Variants in DMAC1 observed in about 807,000 individuals in gnomAD.
The protein encoded by DMAC1 is distal membrane-arm assembly complex protein 1.
A neutral mutation model predicts 7.0 loss-of-function variants in DMAC1; 10 were observed. The ratio of observed to expected loss-of-function variants is 1.43; its 90% CI spans 0.88 to 2.43. The LOEUF is 2.43. DMAC1 is among the 30% of genes most tolerant of loss of function. DMAC1 has a pLI of 0.00. For synonymous variants in DMAC1, 92 were observed against 66.2 expected (o/e 1.39, Z -1.90); for missense variants, 219 against 158.7 (o/e 1.38, Z -2.04).
rs761387238 is a variant in DMAC1, at chr9:7,799,757, T to G, written c.-23A>C. On this transcript the variant is annotated 5_prime_UTR_variant, in exon 1 of 2. Transcript: ENST00000358227. ...CATGCTCTGGAACTCGGCCTCAACC[T>G]TGGGCGTCTTTGGTTCAAACTGGCG... is the stretch of plus-strand genomic sequence containing the variant. The G allele has an allele frequency of 4.5e-5, 67 of 1,499,584 alleles. No homozygotes were observed. In the Admixed American group the frequency reaches 1.4e-3, roughly 30 times the overall value. The allele number at this position is 1,499,584 out of a possible 1,614,324, so 92.9% of individuals were successfully genotyped here.
chr9:7,798,356 A>T lies in DMAC1; in HGVS notation c.*217T>A. On this transcript the variant is annotated 3_prime_UTR_variant, in exon 2 of 2. Coordinates refer to ENST00000358227, the MANE Select transcript of DMAC1 (RefSeq NM_033428.3). ...GACAAAGAACCTGTTTACTTCTCTG[A>T]GGGATTTATTGGTTCCTGTGAAATC... 1.9e-6 allele frequency: 1 copy of T among 527,782 alleles called. No individual in the cohort carries two copies. The highest frequency in any genetic ancestry group is 3.5e-6 in the Non-Finnish European group (1 of 289,676). 32.7% of individuals were successfully genotyped at this position (527,782 alleles called of 1,614,324 possible).
intron 1 of DMAC1, 44 bp downstream of exon 1, chr9:7,799,417 C>A: frequency 6.2e-7 from 1 of 1,605,742 alleles, no homozygotes; most frequent in Non-Finnish European, 8.5e-7. Flanking sequence ...TTCCTCTACC[C>A]CGCAGATACC....
chr9:7,799,418 C>A (rs758494046), intron 1 of DMAC1, 43 bp downstream of exon 1: 8 of 1,606,390 alleles, frequency 5.0e-6, no homozygotes, highest in Admixed American at 3.3e-5. Context: ...TCCTCTACCC[C>A]GCAGATACCC....
rs1322941724 is a variant in DMAC1, at chr9:7,799,589, C to A, written c.146G>T (p.Ser49Ile). The A allele has an allele frequency of 1.9e-6, 3 of 1,613,680 alleles. No individual in the cohort carries two copies. The highest frequency in any genetic ancestry group is 2.5e-6 in the Non-Finnish European group (3 of 1,180,004). The change falls in exon 1 of 2, where the codon AGC (serine) becomes ATC (isoleucine). Residue 49 changes from serine to isoleucine, a missense_variant. Physicochemically the swap from Ser to Ile is moderately radical, Grantham distance 142 (BLOSUM62 -2). Transcript: ENST00000358227. ...AEHRLLKTCWSCRVLSGLGLM... is the reference protein window; with the variant it reads ...AEHRLLKTCWICRVLSGLGLM... ...CCCCAACCCAGAAAGCACGCGACAG[C>A]TCCAGCAGGTCTTCAACAGGCGGTG...
Position 7,799,511 on chromosome 9 carries a change from A to G in DMAC1, c.224T>C (p.Met75Thr). 6.2e-7 allele frequency: 1 copy of G among 1,613,430 alleles called. No homozygotes were observed. The highest frequency in any genetic ancestry group is 8.5e-7 in the Non-Finnish European group (1 of 1,179,992). Residue 75 changes from methionine to threonine, a missense_variant, in exon 1 of 2, where the codon ATG (methionine) becomes ACG (threonine). By Grantham distance (81) the Met-to-Thr change is moderately conservative (BLOSUM62 -1). Transcript: ENST00000358227. ...GGTCCATGGACTCGGGGGGTATCCC[A>G]TCTTCATGGGCTTCCGTGCCACCCA... ...VYWVARKPMK[M>T]GYPPSPWTIT...
intron 1 of DMAC1, among the ~76,000 whole-genome samples, chr9:7,799,182 C>G (rs896058226): frequency 6.6e-6 from 1 of 151,968 alleles, no homozygotes; most frequent in African/African-American, 2.4e-5. Flanking sequence ...TCGGTTTGCT[C>G]CACAGTAAAT....
chr9:7,799,529 G>A lies in DMAC1; in HGVS notation c.206C>T (p.Ala69Val). ...GTATCCCATCTTCATGGGCTTCCGT[G>A]CCACCCAGTACACGTACCCGCCCGC... ...MGAGGYVYWV[A>V]RKPMKMGYPP... Residue 69 changes from alanine (A) to valine (V), a missense_variant, in exon 1 of 2, where the codon GCA (alanine) becomes GTA (valine). Ala to Val is a moderately conservative substitution (Grantham distance 64, BLOSUM62 0). Coordinates refer to ENST00000358227, the MANE Select transcript of DMAC1 (RefSeq NM_033428.3). 2.5e-6 allele frequency: 4 copies of A among 1,613,672 alleles called. No homozygotes were observed. The highest frequency in any genetic ancestry group is 2.5e-6 in the Non-Finnish European group (3 of 1,180,010).
In DMAC1 at chr9:7,799,477, CTGCGTA is replaced by C. The variant is rs1818693919; in HGVS notation, c.252_257del (p.Ile84_Gln86delinsMet). 1 of 1,612,810 alleles carries C rather than the reference CTGCGTA, an allele frequency of 6.2e-7. No homozygotes were observed. Among genetic ancestry groups the C allele is most frequent in the Admixed American group, 1.7e-5 (1 of 60,000 alleles). ...GATTCTCACTGAGGCCGATGACCAT[CTGCGTA>C]ATGGTCCATGGACTCGGGGGGTATC... On this transcript the variant is annotated inframe_deletion, in exon 1 of 2. Coordinates refer to ENST00000358227, the MANE Select transcript of DMAC1 (RefSeq NM_033428.3).
At position 7,798,347 on chromosome 9, in the gene DMAC1, A is replaced by T; in HGVS notation, c.*226T>A. ...CCCAGATAAGACAAAGAACCTGTTTACTTCTCTGAGGGATTTATTGGTTCC... is the reference window on the plus strand; with the variant it reads ...CCCAGATAAGACAAAGAACCTGTTTTCTTCTCTGAGGGATTTATTGGTTCC... On this transcript the variant is annotated 3_prime_UTR_variant, in exon 2 of 2. Coordinates refer to ENST00000358227, the MANE Select transcript of DMAC1 (RefSeq NM_033428.3). The T allele has an allele frequency of 2.0e-6, 1 of 502,682 alleles. No homozygotes were observed. Among genetic ancestry groups the T allele is most frequent in the Non-Finnish European group, 3.6e-6 (1 of 278,194 alleles). The allele number at this position is 502,682 out of a possible 1,614,324, so 31.1% of individuals were successfully genotyped here.
Position 7,797,871 on chromosome 9 carries a change from T to C in DMAC1, c.*702A>G, listed in dbSNP as rs1195168514. The C allele has an allele frequency of 2.0e-5, 3 of 152,228 alleles. No homozygotes were observed. The highest frequency in any genetic ancestry group is 4.4e-5 in the Non-Finnish European group (3 of 68,042). The allele number at this position is 152,228 out of a possible 1,614,324, so 9.4% of individuals were successfully genotyped here. A position where few individuals can be genotyped will look rare whatever the true frequency, so the allele number is the denominator to read the frequency against. On this transcript the variant is annotated 3_prime_UTR_variant, in exon 2 of 2. Coordinates refer to ENST00000358227, the MANE Select transcript of DMAC1 (RefSeq NM_033428.3). ...AACAAGTTCTAGCTCCATCACGGACTTACTGAATGACCCTAGGCAAATCAT... is the reference window on the plus strand; with the variant it reads ...AACAAGTTCTAGCTCCATCACGGACCTACTGAATGACCCTAGGCAAATCAT...
At chr9:7,798,760 T>A in intron 1 of DMAC1, 123 bp from the exon 2 acceptor site, 1 of 761,678 alleles carries the variant, frequency 1.3e-6, no homozygotes, top group South Asian at 3.6e-5. Context: ...ATTGTATCTT[T>A]CTTATAAGGC....
rs1328255959 is a variant in DMAC1, at chr9:7,797,855, T to C, written c.*718A>G. On this transcript the variant is annotated 3_prime_UTR_variant, in exon 2 of 2. Coordinates refer to ENST00000358227, the MANE Select transcript of DMAC1 (RefSeq NM_033428.3). ...ACAAAAAACTGACAAGAACAAGTTC[T>C]AGCTCCATCACGGACTTACTGAATG... is the stretch of plus-strand genomic sequence containing the variant. 6.6e-6 allele frequency: 1 copy of C among 152,250 alleles called. No individual in the cohort carries two copies. The highest frequency in any genetic ancestry group is 1.5e-5 in the Non-Finnish European group (1 of 68,038). The allele number at this position is 152,250 out of a possible 1,614,324, so 9.4% of individuals were successfully genotyped here.
At chr9:7,798,745 T>C (rs1419289618) in intron 1 of DMAC1, 108 bp from the exon 2 acceptor site, 2 of 876,504 alleles carry the variant, frequency 2.3e-6, no homozygotes, top group South Asian at 2.6e-5. Flanking sequence ...GGAGGATATA[T>C]TACCATTGTA....
rs1818648056 is a variant in DMAC1 at position 7,797,933 on chromosome 9, T to C, written c.*640A>G. ...CTTGTGTTTTAAGTTTTACCTCCAA[T>C]GAAGTAACTACCTCAGACTAGCTGT... On this transcript the variant is annotated 3_prime_UTR_variant, in exon 2 of 2. Transcript: ENST00000358227. The C allele has an allele frequency of 6.6e-6, 1 of 152,210 alleles. No individual in the cohort carries two copies. Among genetic ancestry groups the C allele is most frequent in the Non-Finnish European group, 1.5e-5 (1 of 68,038 alleles). The allele number at this position is 152,210 out of a possible 1,614,324, so 9.4% of individuals were successfully genotyped here.
chr9:7,799,669 C>A lies in DMAC1; in HGVS notation c.66G>T (p.Ala22=). 6.2e-7 allele frequency: 1 copy of A among 1,606,724 alleles called. No individual in the cohort carries two copies. Among genetic ancestry groups the A allele is most frequent in the Non-Finnish European group, 8.5e-7 (1 of 1,177,812 alleles). Residue 22 remains alanine (A), a synonymous_variant, in exon 1 of 2, where the codon GCG becomes GCT. Transcript: ENST00000358227. The part of the protein sequence containing the change: ...YITAPPGTAA[A]PAKPAPPATP... Reference sequence around the variant, plus strand: ...TAGCTGGGGGCGCAGGTTTGGCGGGCGCGGCGGCGGTACCGGGAGGCGCAG... The same window carrying A: ...TAGCTGGGGGCGCAGGTTTGGCGGGAGCGGCGGCGGTACCGGGAGGCGCAG...
chr9:7,798,664 C>G (rs1479177979), intron 1 of DMAC1, 27 bp from the exon 2 acceptor site: 2 of 1,502,980 alleles, frequency 1.3e-6, no homozygotes, highest in Middle Eastern at 1.8e-4. Flanking sequence ...AATACCTTAC[C>G]TTTATGCTGC....
Position 7,799,700 on chromosome 9 carries a change from T to G in DMAC1, c.35A>C (p.Tyr12Ser), listed in dbSNP as rs142833833. The G allele has an allele frequency of 6.3e-7, 1 of 1,580,952 alleles. No individual in the cohort carries two copies. Among genetic ancestry groups the G allele is most frequent in the South Asian group, 1.1e-5 (1 of 87,102 alleles). The change falls in exon 1 of 2, where the codon TAT (tyrosine) becomes TCT (serine). Residue 12 changes from tyrosine to serine, a missense_variant. Transcript: ENST00000358227. ...GGCGGTACCGGGAGGCGCAGTGATA[T>G]AGGACTCAAAAGGCTGGGACAACCG... Reference protein sequence around the residue: ...GSRLSQPFESYITAPPGTAAA... With the variant: ...GSRLSQPFESSITAPPGTAAA...
At position 7,798,034 on chromosome 9, in the gene DMAC1, C is replaced by A. The variant is rs1818649858; in HGVS notation, c.*539G>T. The A allele has an allele frequency of 6.6e-6, 1 of 152,326 alleles. No individual in the cohort carries two copies. Among genetic ancestry groups the A allele is most frequent in the Admixed American group, 6.5e-5 (1 of 15,292 alleles). 9.4% of individuals were successfully genotyped at this position (152,326 alleles called of 1,614,324 possible). On this transcript the variant is annotated 3_prime_UTR_variant, in exon 2 of 2. Transcript: ENST00000358227. ...ATTCATACACAGAAAATTTCACGTA[C>A]TTCTATATATTGCATGATGCCCACC...
At position 7,796,606 on chromosome 9, in the gene DMAC1, CA is replaced by C. The variant is rs982166243; in HGVS notation, c.*1966del. 2.0e-5 allele frequency: 3 copies of C among 152,158 alleles called. No homozygotes were observed. The highest frequency in any genetic ancestry group is 2.0e-4 in the Admixed American group (3 of 15,276). The allele number at this position is 152,158 out of a possible 1,614,324, so 9.4% of individuals were successfully genotyped here. ...TACAATACAGTTGACCCAAACAACA[CA>C]GGTTTGAACTGCGCAGGTCCACGTA... is the stretch of plus-strand genomic sequence containing the variant. On this transcript the variant is annotated 3_prime_UTR_variant, in exon 2 of 2. Transcript: ENST00000358227.
Sources: gnomAD v4.1 joint callset for allele counts (sites outside exome capture counted in the v4.1 genomes callset) on GRCh38, gnomAD v4.1.1 for gene constraint, MANE v1.5 for transcripts, NCBI Gene and HGNC (gene_info 2026-07-23, HGNC 2026-07-21) for gene names.